Variants in DGKB observed in about 807,000 individuals in gnomAD.
DGKB encodes 90 kDa diacylglycerol kinase.
Under a neutral mutation model 114.3 loss-of-function variants are expected in DGKB, and 67 were observed. That is an observed-to-expected ratio of 0.59 (90% CI 0.48 to 0.72). The LOEUF is 0.72. DGKB is among the 30% of genes least tolerant of loss of function. The pLI, the probability that DGKB is intolerant of heterozygous loss-of-function variation, is 0.00. For synonymous variants in DGKB, 398 were observed against 323.1 expected (o/e 1.23, Z -2.49); for missense variants, 907 against 975.2 (o/e 0.93, Z 0.93).
intron 2 of DGKB, among the ~76,000 whole-genome samples, chr7:14,816,931 C>T (rs1337705890): frequency 2.0e-5 from 3 of 152,158 alleles, no homozygotes; most frequent in Non-Finnish European, 4.4e-5. Context: ...AATATAAAAA[C>T]TTGCAGATTA....
intron 23 of DGKB, among the ~76,000 whole-genome samples, chr7:14,319,728 A>C (rs1242900946): frequency 6.6e-6 from 1 of 152,202 alleles, no homozygotes; most frequent in African/African-American, 2.4e-5. Flanking sequence ...TAAATCCTCT[A>C]AAGAGTCAAT....
chr7:14,951,914 T>A (rs1412711938), intron 1 of DGKB, among the ~76,000 whole-genome samples: 2 of 151,978 alleles, frequency 1.3e-5, no homozygotes, highest in Non-Finnish European at 2.9e-5. Flanking sequence ...TTAAAGAGGA[T>A]CTAAATAAAA....
At chr7:14,645,154 C>A (rs1404938947) in intron 13 of DGKB, among the ~76,000 whole-genome samples, 1 of 152,022 alleles carries the variant, frequency 6.6e-6, no homozygotes, top group East Asian at 1.9e-4. Context: ...CGATTCTAAG[C>A]CCATAAAAAC....
intron 22 of DGKB, among the ~76,000 whole-genome samples, chr7:14,343,860 C>T (rs1242380328): frequency 2.0e-5 from 3 of 147,642 alleles, no homozygotes; most frequent in Admixed American, 1.4e-4. Flanking sequence ...TATAACAATA[C>T]ATATGACACA....
At chr7:14,720,909 G>A (rs1829065049) in intron 5 of DGKB, among the ~76,000 whole-genome samples, 1 of 151,052 alleles carries the variant, frequency 6.6e-6, no homozygotes, top group African/African-American at 2.4e-5. Context: ...TTAGCCAGCT[G>A]CAGGAATAAG....
At chr7:14,485,704 G>A (rs1463616152) in intron 20 of DGKB, among the ~76,000 whole-genome samples, 1 of 149,282 alleles carries the variant, frequency 6.7e-6, no homozygotes, top group Admixed American at 6.8e-5. Context: ...GGCCAACATG[G>A]TGAAACCCCA....
chr7:14,792,520 C>CT (rs748573822), intron 2 of DGKB, among the ~76,000 whole-genome samples: 16 of 151,890 alleles, frequency 1.1e-4, no homozygotes, highest in Admixed American at 6.6e-5. Context: ...CAAAATGAAT[C>CT]TTTTTTTTCT....
chr7:14,509,246 G>C (rs890877369), intron 20 of DGKB, among the ~76,000 whole-genome samples: 10 of 152,122 alleles, frequency 6.6e-5, no homozygotes, highest in African/African-American at 2.4e-4. Flanking sequence ...AATACTGTGG[G>C]AAAGAGAGTT....
At chr7:14,515,146 T>G (rs1788585707) in intron 20 of DGKB, among the ~76,000 whole-genome samples, 1 of 152,250 alleles carries the variant, frequency 6.6e-6, no homozygotes, top group South Asian at 2.1e-4. Flanking sequence ...AATTGTTAGG[T>G]TTAGAGGGTT....
chr7:14,902,246 A>C (rs1272681961), intron 1 of DGKB, among the ~76,000 whole-genome samples: 1 of 152,192 alleles, frequency 6.6e-6, no homozygotes, highest in African/African-American at 2.4e-5. Flanking sequence ...CCTCTTTATG[A>C]ATTACATTTT....
At position 14,647,783 on chromosome 7, in the gene DGKB, G is replaced by A. The variant is rs58500317; in HGVS notation, c.1135-17515C>T. Among the ~76,000 whole-genome samples the A allele has an allele frequency of 1.8e-3, 280 of 152,308 alleles. 1 individual carries two copies. The highest frequency in any genetic ancestry group is 6.3e-3 in the African/African-American group (261 of 41,572). The stretch of plus-strand genomic sequence containing the variant: ...AGACAGTGGGCGCAGGTCAGTGGTC[G>A]CGCGCACCATGCGCGAGCCGAAGCA... On this transcript the variant is annotated intron_variant, in intron 13 of 25. Coordinates refer to ENST00000402815, the MANE Select transcript of DGKB (RefSeq NM_001350709.2).
intron 23 of DGKB, among the ~76,000 whole-genome samples, chr7:14,266,608 T>C (rs898738902): frequency 6.6e-6 from 1 of 152,208 alleles, no homozygotes; most frequent in Non-Finnish European, 1.5e-5. Flanking sequence ...AGTATTTCTA[T>C]TGAGATTCTA....
At chr7:14,282,461 G>A (rs1800129532) in intron 23 of DGKB, among the ~76,000 whole-genome samples, 1 of 150,794 alleles carries the variant, frequency 6.6e-6, no homozygotes, top group African/African-American at 2.4e-5. Flanking sequence ...CATTCCTTCT[G>A]AAACTATTCC....
intron 2 of DGKB, among the ~76,000 whole-genome samples, chr7:14,817,909 C>G (rs960028513): frequency 1.4e-4 from 21 of 149,514 alleles, no homozygotes; most frequent in African/African-American, 4.5e-4. Flanking sequence ...TGGCATGATG[C>G]TGACAGCAAG....
chr7:14,613,370 T>C lies in DGKB; in HGVS notation c.1328A>G (p.Asn443Ser), dbSNP rs1805923110. Residue 443 changes from asparagine to serine, a missense_variant, in exon 16 of 26, where the codon AAC (asparagine) becomes AGC (serine). Around this residue, in one of 3 missense-constraint regions of DGKB, gnomAD observed 814 missense variants for 856.6 expected, o/e 0.95. Transcript: ENST00000402815. ...TCCTTGTTTTCCACCACTTTTGGGG[T>C]TCACAAAAACTAAAAGTGGGTGAGT... Reference protein sequence around the residue: ...PGTHPLLVFVNPKSGGKQGER... With the variant: ...PGTHPLLVFVSPKSGGKQGER... 1 of 1,571,742 alleles carries C rather than the reference T, an allele frequency of 6.4e-7. No individual in the cohort carries two copies. Among genetic ancestry groups the C allele is most frequent in the Non-Finnish European group, 8.6e-7 (1 of 1,156,740 alleles).
intron 1 of DGKB, among the ~76,000 whole-genome samples, chr7:14,868,927 G>A (rs942844640): frequency 6.6e-6 from 1 of 151,986 alleles, no homozygotes; most frequent in Non-Finnish European, 1.5e-5. Flanking sequence ...AATTCCTCAG[G>A]GAAGATCAAG....
chr7:14,834,368 T>G (rs1274552616), intron 2 of DGKB, among the ~76,000 whole-genome samples: 2 of 152,152 alleles, frequency 1.3e-5, no homozygotes, highest in Non-Finnish European at 2.9e-5. Flanking sequence ...ATGGCCAAAT[T>G]AGTAGTTTTC....
intron 13 of DGKB, among the ~76,000 whole-genome samples, chr7:14,668,847 C>T (rs1391585960): frequency 1.3e-5 from 2 of 152,082 alleles, no homozygotes; most frequent in Non-Finnish European, 2.9e-5. Flanking sequence ...CCTCTCTGTA[C>T]ATCACATTTG....
At chr7:14,254,616 T>C (rs1439551892) in intron 23 of DGKB, among the ~76,000 whole-genome samples, 2 of 152,208 alleles carry the variant, frequency 1.3e-5, no homozygotes, top group African/African-American at 4.8e-5. Context: ...AAAGTACTTC[T>C]CTATATATTT....
Sources: gnomAD v4.1 joint callset for allele counts (sites outside exome capture counted in the v4.1 genomes callset) on GRCh38, gnomAD v4.1.1 for gene constraint, gnomAD v4.1.1 regional missense constraint, MANE v1.5 for transcripts, NCBI Gene and HGNC (gene_info 2026-07-23, HGNC 2026-07-21) for gene names.